Variants in SLITRK1 observed in about 807,000 individuals in gnomAD.
The protein encoded by SLITRK1 is SLIT and NTRK-like protein 1.
SLITRK1 carries 10 observed loss-of-function variants against 42.4 expected under a neutral mutation model. That is an observed-to-expected ratio of 0.24 (90% CI 0.15 to 0.40). The LOEUF (loss-of-function observed/expected upper bound fraction) is 0.40, where lower values mean the gene tolerates loss of function less well. Ranked by LOEUF, SLITRK1 falls within the 10% of genes least tolerant of loss-of-function variation. The pLI is 1.00. For missense variants in SLITRK1, 778 were observed against 848.8 expected, an observed-to-expected ratio of 0.92 and a Z score of 1.04; for synonymous variants, 389 against 365.7, an observed-to-expected ratio of 1.06 and a Z score of -0.73.
chr13:83,881,603 T>G, intron 1 of SLITRK1, 43 bp from the exon 2 acceptor site: 2 of 1,052,214 alleles, frequency 1.9e-6, no homozygotes, highest in Non-Finnish European at 2.7e-6. Flanking sequence ...AGTGCTCCAA[T>G]GTCCGAAGCC....
chr13:83,878,213 T>G lies in SLITRK1; in HGVS notation c.*1204A>C, dbSNP rs1054603784. On this transcript the variant is annotated 3_prime_UTR_variant, in exon 2 of 2. Transcript: ENST00000674365. ...AAATCCAATTTACCACTTGCAAATA[T>G]GAAGCTGGAAAAAGGTAAGGACCCA... The G allele has an allele frequency of 3.3e-5, 5 of 152,566 alleles. No individual in the cohort carries two copies. Among genetic ancestry groups the G allele is most frequent in the Non-Finnish European group, 7.3e-5 (5 of 68,048 alleles). 9.5% of individuals were successfully genotyped at this position (152,566 alleles called of 1,614,324 possible).
At position 83,879,461 on chromosome 13, in the gene SLITRK1, C is replaced by A. The variant is rs1452047725; in HGVS notation, c.2047G>T (p.Ala683Ser). ...WHNGPYNADG[A>S]HRVYDCGSHS... ...GAGCCACAGTCATACACTCTGTGGG[C>A]CCCATCTGCGTTGTAAGGCCCATTG... The change falls in exon 2 of 2, where the codon GCC (alanine) becomes TCC (serine). Residue 683 changes from alanine (A) to serine (S), a missense_variant. By Grantham distance (99) the Ala-to-Ser change is moderately conservative. Around this residue, in one of 4 missense-constraint regions of SLITRK1, gnomAD observed 164 missense variants for 158.2 expected, o/e 1.04. Transcript: ENST00000674365. 1 of 1,613,674 alleles carries A rather than the reference C, an allele frequency of 6.2e-7. No individual in the cohort carries two copies. The highest frequency in any genetic ancestry group is 8.5e-7 in the Non-Finnish European group (1 of 1,180,024).
rs775812197 is a variant in SLITRK1 at position 83,880,996 on chromosome 13, G to A, written c.512C>T (p.Ala171Val). Reference sequence around the variant, plus strand: ...GATGGGCACATACTGGAACACGTTGGCAGGTAGGGTGCTGATGAGATTGTC... The same window carrying A: ...GATGGGCACATACTGGAACACGTTGACAGGTAGGGTGCTGATGAGATTGTC... The part of the protein sequence containing the change: ...LNDNLISTLP[A>V]NVFQYVPITH... Residue 171 changes from alanine to valine, a missense_variant, in exon 2 of 2, where the codon GCC becomes GTC. Transcript: ENST00000674365. The A allele has an allele frequency of 3.1e-6, 5 of 1,613,962 alleles. No homozygotes were observed. Among genetic ancestry groups the A allele is most frequent in the Admixed American group, 1.7e-5 (1 of 59,980 alleles).
chr13:83,877,813 C>T lies in SLITRK1; in HGVS notation c.*1604G>A, dbSNP rs1033243860. 4 of 152,512 alleles carry T rather than the reference C, an allele frequency of 2.6e-5. No individual in the cohort carries two copies. Among genetic ancestry groups the T allele is most frequent in the Non-Finnish European group, 4.4e-5 (3 of 68,026 alleles). The allele number at this position is 152,512 out of a possible 1,614,324, so 9.4% of individuals were successfully genotyped here. ...ATTGAGGAGTGCTGACCAATGAAAT[C>T]TCCACTCTGTTTAATGAGACCTATC... On this transcript the variant is annotated 3_prime_UTR_variant, in exon 2 of 2. Coordinates refer to ENST00000674365, the MANE Select transcript of SLITRK1 (RefSeq NM_001281503.2).
At chr13:83,881,753 A>C in intron 1 of SLITRK1, 193 bp from the exon 2 acceptor site, 5 of 317,102 alleles carry the variant, frequency 1.6e-5, no homozygotes, top group African/African-American at 7.2e-5. Flanking sequence ...CAAGCAAAGA[A>C]AAAAAAAAAA....
rs369052051 is a variant in SLITRK1 at position 83,880,554 on chromosome 13, T to G, written c.954A>C (p.Lys318Asn). ...TCGCTATCGCTGCTGTGGGTCTGATTTTGATCTGCCAGTTGCCTGGGATCT... is the reference window on the plus strand; with the variant it reads ...TCGCTATCGCTGCTGTGGGTCTGATGTTGATCTGCCAGTTGCCTGGGATCT... Reference protein sequence around the residue: ...GTKIPGNWQIKIRPTAAIATG... With the variant: ...GTKIPGNWQINIRPTAAIATG... The change falls in exon 2 of 2, where the codon AAA (lysine) becomes AAC (asparagine). Residue 318 changes from lysine to asparagine, a missense_variant. Around this residue, in one of 4 missense-constraint regions of SLITRK1, gnomAD observed 395 missense variants for 360.4 expected, o/e 1.10. Coordinates refer to ENST00000674365, the MANE Select transcript of SLITRK1 (RefSeq NM_001281503.2). 1.2e-6 allele frequency: 2 copies of G among 1,614,066 alleles called. No individual in the cohort carries two copies. Among genetic ancestry groups the G allele is most frequent in the African/African-American group, 2.7e-5 (2 of 74,914 alleles).
chr13:83,881,656 C>T lies in SLITRK1; in HGVS notation c.-53-96G>A, dbSNP rs540661840. ...GGGTTTGGGGGGGTGGGGGTGGATT[C>T]CTTCCTCCCTAACCCCCCCGCACTG... On this transcript the variant is annotated intron_variant, in intron 1 of 1. Transcript: ENST00000674365. 1.7e-5 allele frequency: 15 copies of T among 866,852 alleles called. No homozygotes were observed. The African/African-American group carries it at 2.4e-4, about 14-fold the overall frequency. The allele number at this position is 866,852 out of a possible 1,614,324, so 53.7% of individuals were successfully genotyped here.
rs770828566 is a variant in SLITRK1, at chr13:83,881,334, G to A, written c.174C>T (p.Ser58=). The change falls in exon 2 of 2, where the codon TCC becomes TCT. Residue 58 remains serine, a synonymous_variant. Coordinates refer to ENST00000674365, the MANE Select transcript of SLITRK1 (RefSeq NM_001281503.2). ...CATGCAGAAATAAATGGTAAAACTG[G>A]GAAGTCGGGGCAGTGAAACGCTGCA... The part of the protein sequence containing the change: ...TSLQRFTAPT[S]QFYHLFLHGN... The A allele has an allele frequency of 2.5e-6, 4 of 1,613,988 alleles. No homozygotes were observed. The East Asian group carries it at 8.9e-5, about 36-fold the overall frequency.
rs1884725319 is a variant in SLITRK1 at position 83,877,991 on chromosome 13, T to C, written c.*1426A>G. ...AGGGGAAAAAAAGAAGGGGTGAGTG[T>C]TGGGGCAAGACCTTTATGGACTGGG... On this transcript the variant is annotated 3_prime_UTR_variant, in exon 2 of 2. Coordinates refer to ENST00000674365, the MANE Select transcript of SLITRK1 (RefSeq NM_001281503.2). 1 of 138,442 alleles carries C rather than the reference T, an allele frequency of 7.2e-6. No homozygotes were observed. The highest frequency in any genetic ancestry group is 8.3e-5 in the Admixed American group (1 of 12,106). The allele number at this position is 138,442 out of a possible 1,614,324, so 8.6% of individuals were successfully genotyped here.
rs771177138 is a variant in SLITRK1 at position 83,881,751 on chromosome 13, G to GA, written c.-53-192dup. On this transcript the variant is annotated intron_variant, in intron 1 of 1. Coordinates refer to ENST00000674365, the MANE Select transcript of SLITRK1 (RefSeq NM_001281503.2). ...AGGCACGTAGTGCAAGGCAAGCAAA[G>GA]AAAAAAAAAAAAAAAAAAAAGTAGG... 0.18 allele frequency: 19,076 copies of GA among 107,266 alleles called. 1,664 individuals are homozygous for GA. The highest frequency in any genetic ancestry group is 0.31 in the East Asian group (1,112 of 3,640). 6.6% of individuals were successfully genotyped at this position (107,266 alleles called of 1,614,324 possible).
chr13:83,880,876 T>G lies in SLITRK1; in HGVS notation c.632A>C (p.Asp211Ala). 6.2e-7 allele frequency: 1 copy of G among 1,614,086 alleles called. No homozygotes were observed. The highest frequency in any genetic ancestry group is 8.5e-7 in the Non-Finnish European group (1 of 1,180,020). ...IPGIAEILLE[D>A]NPWDCTCDLL... ...ATCACAGGTGCAGTCCCAAGGGTTA[T>G]CCTCTAGCAGGATCTCCGCAATACC... Residue 211 changes from aspartate to alanine, a missense_variant, in exon 2 of 2, where the codon GAT becomes GCT. Coordinates refer to ENST00000674365, the MANE Select transcript of SLITRK1 (RefSeq NM_001281503.2).
chr13:83,881,468 A>G lies in SLITRK1; in HGVS notation c.40T>C (p.Phe14Leu), dbSNP rs1416624159. Residue 14 changes from phenylalanine to leucine, a missense_variant, in exon 2 of 2, where the codon TTT (phenylalanine) becomes CTT (leucine). Transcript: ENST00000674365. ...TCCCCTGTAACGTTTCCAGCGGCAA[A>G]ACAAAGAGACGTCTCCAGCAACAGA... ...WILLLETSLC[F>L]AAGNVTGDVC... 1 of 1,614,032 alleles carries G rather than the reference A, an allele frequency of 6.2e-7. No homozygotes were observed. Among genetic ancestry groups the G allele is most frequent in the Non-Finnish European group, 8.5e-7 (1 of 1,180,020 alleles).
At position 83,879,825 on chromosome 13, in the gene SLITRK1, C is replaced by T. The variant is rs1041327542; in HGVS notation, c.1683G>A (p.Pro561=). 1.9e-6 allele frequency: 3 copies of T among 1,613,916 alleles called. No individual in the cohort carries two copies. The highest frequency in any genetic ancestry group is 2.5e-6 in the Non-Finnish European group (3 of 1,180,016). The part of the protein sequence containing the change: ...VLMSDLKCET[P]VNFFRKDFML... ...TGAAATCCTTTCTAAAGAAGTTCAC[C>T]GGCGTCTCACACTTGAGGTCGCTCA... Residue 561 remains proline (P), a synonymous_variant, in exon 2 of 2, where the codon CCG becomes CCA. Coordinates refer to ENST00000674365, the MANE Select transcript of SLITRK1 (RefSeq NM_001281503.2).
chr13:83,880,265 C>G lies in SLITRK1; in HGVS notation c.1243G>C (p.Glu415Gln). 1 of 1,614,032 alleles carries G rather than the reference C, an allele frequency of 6.2e-7. No individual in the cohort carries two copies. Among genetic ancestry groups the G allele is most frequent in the Non-Finnish European group, 8.5e-7 (1 of 1,180,032 alleles). ...AAAAGGTTCTTGAAAGTGTTGTTCT[C>G]TACAGTAGCGATGTTATTGTTGCCC... ...DLGNNNIATV[E>Q]NNTFKNLLDL... Residue 415 changes from glutamate to glutamine, a missense_variant, in exon 2 of 2, where the codon GAG becomes CAG. Glu to Gln is a conservative substitution (Grantham distance 29). Around this residue, in one of 4 missense-constraint regions of SLITRK1, gnomAD observed 395 missense variants for 360.4 expected, o/e 1.10. Coordinates refer to ENST00000674365, the MANE Select transcript of SLITRK1 (RefSeq NM_001281503.2).
In SLITRK1 at chr13:83,880,269, A is replaced by C; in HGVS notation, c.1239T>G (p.Thr413=). The C allele has an allele frequency of 6.2e-7, 1 of 1,614,048 alleles. No individual in the cohort carries two copies. The highest frequency in any genetic ancestry group is 8.5e-7 in the Non-Finnish European group (1 of 1,180,038). ...LLDLGNNNIA[T]VENNTFKNLL... is the part of the protein sequence containing the mutation. ...GGTTCTTGAAAGTGTTGTTCTCTAC[A>C]GTAGCGATGTTATTGTTGCCCAGAT... Residue 413 remains threonine, a synonymous_variant, in exon 2 of 2, where the codon ACT becomes ACG. Coordinates refer to ENST00000674365, the MANE Select transcript of SLITRK1 (RefSeq NM_001281503.2).
Position 83,877,373 on chromosome 13 carries a change from TA to T in SLITRK1, c.*2043del, listed in dbSNP as rs66938370. 67,309 of 151,630 alleles carry T rather than the reference TA, an allele frequency of 0.44. 19,515 individuals are homozygous for T. Among genetic ancestry groups the T allele is most frequent in the African/African-American group, 0.82 (34,034 of 41,394 alleles). The allele number at this position is 151,630 out of a possible 1,614,324, so 9.4% of individuals were successfully genotyped here. ...CACTAGCTGATTTATAATCCTATATTAAAAAAAAATCTATAGTCTGCAGTCT... is the reference window on the plus strand; with the variant it reads ...CACTAGCTGATTTATAATCCTATATTAAAAAAAATCTATAGTCTGCAGTCT... On this transcript the variant is annotated 3_prime_UTR_variant, in exon 2 of 2. Transcript: ENST00000674365.
Position 83,880,351 on chromosome 13 carries a change from T to G in SLITRK1, c.1157A>C (p.Lys386Thr), listed in dbSNP as rs775804434. 9 of 1,613,976 alleles carry G rather than the reference T, an allele frequency of 5.6e-6. No homozygotes were observed. The South Asian group carries it at 9.9e-5, about 18-fold the overall frequency. Residue 386 changes from lysine (K) to threonine (T), a missense_variant, in exon 2 of 2, where the codon AAG (lysine) becomes ACG (threonine). Physicochemically the swap from Lys to Thr is moderately conservative, Grantham distance 78 (BLOSUM62 -1). Transcript: ENST00000674365. The stretch of plus-strand genomic sequence containing the variant: ...GTGCGATTTTCGGATGCTGTGGATC[T>G]TGTTATCTCGTAGGAAAAGCTCCTG... The part of the protein sequence containing the change: ...NVQELFLRDN[K>T]IHSIRKSHFV...
chr13:83,881,668 A>AC (rs1304293620), intron 1 of SLITRK1, 108 bp from the exon 2 acceptor site: 16 of 700,180 alleles, frequency 2.3e-5, no homozygotes, highest in South Asian at 3.6e-5. Flanking sequence ...TTCCTCCCTA[A>AC]CCCCCCCGCA....
chr13:83,879,740 T>C lies in SLITRK1; in HGVS notation c.1768A>G (p.Thr590Ala), dbSNP rs764203513. ...CCAGTGCTGTTTTTACTGTGCGAAG[T>C]TAACGTGGGCGAGATCCTAGCGTAC... ...QLYARISPTLTSHSKNSTGLA... is the reference protein window; with the variant it reads ...QLYARISPTLASHSKNSTGLA... The change falls in exon 2 of 2, where the codon ACT becomes GCT. Residue 590 changes from threonine to alanine, a missense_variant. Coordinates refer to ENST00000674365, the MANE Select transcript of SLITRK1 (RefSeq NM_001281503.2). 15 of 1,613,770 alleles carry C rather than the reference T, an allele frequency of 9.3e-6. No homozygotes were observed. The highest frequency in any genetic ancestry group is 1.7e-5 in the Admixed American group (1 of 59,976).
Sources: gnomAD v4.1 joint callset for allele counts on GRCh38, gnomAD v4.1.1 for gene constraint, gnomAD v4.1.1 regional missense constraint, MANE v1.5 for transcripts, NCBI Gene and HGNC (gene_info 2026-07-23, HGNC 2026-07-21) for gene names.